The following PCDHGA2 variants were observed in gnomAD, a reference collection of about 807,000 sequenced individuals.
PCDHGA2 encodes protocadherin gamma subfamily A, 2, also known as protocadherin gamma-A2.
Under a neutral mutation model 59.2 loss-of-function variants are expected in PCDHGA2, and 40 were observed. That is an observed-to-expected ratio of 0.68 (90% CI 0.52 to 0.88). The LOEUF is 0.88. Among genes scored for constraint, PCDHGA2 ranks in the 40% least tolerant of loss-of-function variants. PCDHGA2 has a pLI of 0.00. For synonymous variants in PCDHGA2, 560 were observed against 526.0 expected (o/e 1.06, Z -0.89); for missense variants, 1,226 against 1,204.0 (o/e 1.02, Z -0.27).
intron 1 of PCDHGA2, among the ~76,000 whole-genome samples, chr5:141,456,887 C>T (rs112521083): frequency 0.042 from 6,384 of 152,090 alleles, 167 homozygotes; most frequent in Middle Eastern, 0.088. Flanking sequence ...CGCTTGAACC[C>T]GGGAGGCAGA....
chr5:141,381,354 G>T (rs1163041754), intron 1 of PCDHGA2, among the ~76,000 whole-genome samples: 1 of 152,202 alleles, frequency 6.6e-6, no homozygotes, highest in Admixed American at 6.5e-5. Context: ...CTTTCTGCTA[G>T]CAGAGGGTAG....
chr5:141,417,768 C>A lies in PCDHGA2; in HGVS notation c.2424+76373C>A, dbSNP rs1444250512. On this transcript the variant is annotated intron_variant, in intron 1 of 3. Coordinates refer to ENST00000394576, the MANE Select transcript of PCDHGA2 (RefSeq NM_018915.4). ...ATTGCCAGCTCCGAGACCCGGGACT[C>A]CTCCTGTCCTGGGCCGAATGCTCTT... is the stretch of plus-strand genomic sequence containing the variant. 1.3e-5 allele frequency: 19 copies of A among 1,451,358 alleles called. No individual in the cohort carries two copies. In the South Asian group the frequency reaches 1.7e-4, roughly 13 times the overall value. The allele number at this position is 1,451,358 out of a possible 1,614,324, so 89.9% of individuals were successfully genotyped here. A position where few individuals can be genotyped will look rare whatever the true frequency, so the allele number is the denominator to read the frequency against.
intron 1 of PCDHGA2, chr5:141,372,553 G>T: frequency 6.2e-7 from 1 of 1,613,978 alleles, no homozygotes; most frequent in Non-Finnish European, 8.5e-7. Flanking sequence ...TGCTCCTCCA[G>T]ACCCGCCACT....
intron 1 of PCDHGA2, among the ~76,000 whole-genome samples, chr5:141,444,150 GGATTT>G (rs2098419598): frequency 1.8e-5 from 2 of 114,012 alleles, no homozygotes; most frequent in Non-Finnish European, 3.5e-5. Flanking sequence ...TGTGTGTACT[GGATTT>G]TTTTTTTTTT....
chr5:141,430,754 A>G (rs778266116), intron 1 of PCDHGA2: 26 of 1,503,884 alleles, frequency 1.7e-5, no homozygotes, highest in East Asian at 4.6e-5. Flanking sequence ...CTGGAGGAAG[A>G]TAAGAATGAT....
chr5:141,361,672 G>A (rs1177746611), intron 1 of PCDHGA2: 17 of 1,613,566 alleles, frequency 1.1e-5, no homozygotes, highest in Non-Finnish European at 1.4e-5. Context: ...GCAGAGCGGG[G>A]TGGTGTTCGC....
intron 1 of PCDHGA2, chr5:141,345,293 T>G (rs1162429257): frequency 6.2e-7 from 1 of 1,613,926 alleles, no homozygotes; most frequent in Non-Finnish European, 8.5e-7. Context: ...AATATAACAT[T>G]AGTCTGAGAG....
intron 1 of PCDHGA2, chr5:141,410,627 TTC>T: frequency 6.2e-7 from 1 of 1,602,046 alleles, no homozygotes; most frequent in Admixed American, 1.7e-5. Flanking sequence ...TTCGGTGAGT[TTC>T]TCTTTTTTGT....
chr5:141,376,736 G>T (rs1158010904), intron 1 of PCDHGA2: 1 of 522,720 alleles, frequency 1.9e-6, no homozygotes, highest in Non-Finnish European at 3.2e-6. Flanking sequence ...CCGGACTGCG[G>T]ACTGCAGTGG....
rs146306949 is a variant in PCDHGA2 at position 141,340,898 on chromosome 5, G to C, written c.1927G>C (p.Val643Leu). Residue 643 changes from valine (V) to leucine (L), a missense_variant, in exon 1 of 4, where the codon GTG becomes CTG. By Grantham distance (32) the Val-to-Leu change is conservative. Coordinates refer to ENST00000394576, the MANE Select transcript of PCDHGA2 (RefSeq NM_018915.4). Reference protein sequence around the residue: ...LDRDALKQSLVVAIQDHGQPP... With the variant: ...LDRDALKQSLLVAIQDHGQPP... ...CAGAGACGCGCTCAAGCAGAGCCTC[G>C]TGGTGGCCATCCAGGACCACGGCCA... The C allele has an allele frequency of 3.1e-6, 5 of 1,613,702 alleles. No homozygotes were observed. The highest frequency in any genetic ancestry group is 1.1e-5 in the South Asian group (1 of 91,044).
At chr5:141,427,765 T>C (rs1331334394) in intron 1 of PCDHGA2, 3 of 1,387,170 alleles carry the variant, frequency 2.2e-6, no homozygotes, top group Non-Finnish European at 2.0e-6. Context: ...ACCACTGACT[T>C]GGAGCTGCGG....
Position 141,341,041 on chromosome 5 carries a change from T to A in PCDHGA2, c.2070T>A (p.Thr690=). The A allele has an allele frequency of 6.2e-7, 1 of 1,613,864 alleles. No individual in the cohort carries two copies. The highest frequency in any genetic ancestry group is 1.1e-5 in the South Asian group (1 of 91,058). The change falls in exon 1 of 4, where the codon ACT becomes ACA. Residue 690 remains threonine, a synonymous_variant. Coordinates refer to ENST00000394576, the MANE Select transcript of PCDHGA2 (RefSeq NM_018915.4). ...PSAIPNDSDL[T]LYLVVAVAAV... is the part of the protein sequence containing the mutation. ...CCATACCCAACGATTCGGACCTCAC[T>A]CTGTACCTGGTGGTGGCGGTGGCCG...
At chr5:141,366,885 T>A (rs1764844821) in intron 1 of PCDHGA2, 3 of 1,309,884 alleles carry the variant, frequency 2.3e-6, no homozygotes, top group African/African-American at 1.5e-5. Flanking sequence ...TTAATTTTTT[T>A]TATATAATTC....
At chr5:141,350,108 C>T in intron 1 of PCDHGA2, 1 of 536,896 alleles carries the variant, frequency 1.9e-6, no homozygotes, top group Non-Finnish European at 2.9e-6. Flanking sequence ...TGCCTTCCTG[C>T]TTTGTCCGGT....
chr5:141,344,846 G>C (rs1295408805), intron 1 of PCDHGA2: 18 of 1,613,790 alleles, frequency 1.1e-5, no homozygotes, highest in Non-Finnish European at 1.4e-5. Flanking sequence ...ACCCTGACGA[G>C]GGATTCAATG....
intron 2 of PCDHGA2, 36 bp from the exon 3 acceptor site, chr5:141,505,357 T>A (rs1026098450): frequency 6.2e-7 from 1 of 1,613,762 alleles, no homozygotes; most frequent in African/African-American, 1.3e-5. Context: ...TGTGCCGGCC[T>A]GGGAGTCTGT....
intron 2 of PCDHGA2, among the ~76,000 whole-genome samples, chr5:141,500,775 T>C (rs1251282826): frequency 6.6e-6 from 1 of 152,218 alleles, no homozygotes; most frequent in Non-Finnish European, 1.5e-5. Context: ...CTTATGAATA[T>C]ACATATTATT....
intron 1 of PCDHGA2, among the ~76,000 whole-genome samples, chr5:141,347,719 AG>A (rs1312909690): frequency 2.6e-5 from 4 of 151,964 alleles, no homozygotes; most frequent in African/African-American, 9.7e-5. Flanking sequence ...CCCAGGAGGC[AG>A]AAGTTGCAGA....
rs575694126 is a variant in PCDHGA2 at position 141,399,993 on chromosome 5, G to A, written c.2424+58598G>A. 3.1e-5 allele frequency: 50 copies of A among 1,612,336 alleles called. 1 individual carries two copies. Among genetic ancestry groups the A allele is most frequent in the Middle Eastern group, 1.8e-4 (1 of 5,462 alleles). On this transcript the variant is annotated intron_variant, in intron 1 of 3. Transcript: ENST00000394576. ...GCCTGGGGCTGCGCACAGGAGAGGT[G>A]CGCACAGCGCGTGCCTTGGGCGACA...
Sources: allele counts gnomAD v4.1 joint callset (sites outside exome capture counted in the v4.1 genomes callset), GRCh38; gene constraint gnomAD v4.1.1; transcripts MANE v1.5; gene names NCBI Gene and HGNC (gene_info 2026-07-23, HGNC 2026-07-21).